Variants in TUSC3 observed in about 807,000 individuals in gnomAD.
TUSC3 encodes dolichyl-diphosphooligosaccharide--protein glycosyltransferase subunit TUSC3.
TUSC3 carries 45 observed loss-of-function variants against 44.8 expected under a neutral mutation model. That is an observed-to-expected ratio of 1.00 (90% confidence interval 0.79 to 1.29). The LOEUF is 1.29. Among genes scored for constraint, TUSC3 ranks in the 50% most tolerant of loss-of-function variants. The pLI, the probability that TUSC3 is intolerant of heterozygous loss-of-function variation, is 0.00. For synonymous variants in TUSC3, 212 were observed against 152.9 expected (o/e 1.39, Z -2.85); for missense variants, 519 against 437.9 (o/e 1.19, Z -1.65).
chr8:15,748,318 A>G (rs770545319), intron 8 of TUSC3, 57 bp from the exon 9 acceptor site: 16 of 1,267,514 alleles, frequency 1.3e-5, no homozygotes, highest in Non-Finnish European at 1.7e-5. Flanking sequence ...AATATAAACA[A>G]TTGGGGTTTC....
At chr8:15,697,815 C>T (rs761154638) in intron 6 of TUSC3, among the ~76,000 whole-genome samples, 11 of 152,202 alleles carry the variant, frequency 7.2e-5, no homozygotes, top group East Asian at 3.9e-4. Context: ...TTTTGATTTA[C>T]GTAGTAACTA....
At chr8:15,676,804 AT>A (rs1808211300) in intron 6 of TUSC3, among the ~76,000 whole-genome samples, 1 of 152,172 alleles carries the variant, frequency 6.6e-6, no homozygotes, top group Admixed American at 6.5e-5. Flanking sequence ...CTTAGATGTA[AT>A]TTTGACTTCC....
At chr8:15,744,598 A>G (rs1388479380) in intron 8 of TUSC3, among the ~76,000 whole-genome samples, 1 of 152,134 alleles carries the variant, frequency 6.6e-6, no homozygotes, top group Non-Finnish European at 1.5e-5. Context: ...GTGCTTTCTA[A>G]ATACTTAAAA....
At chr8:15,843,933 G>A in the TUSC3 span, among the ~76,000 whole-genome samples, 1 of 152,076 alleles carries the variant, frequency 6.6e-6, no homozygotes, top group Non-Finnish European at 1.5e-5. Flanking sequence ...TAGCATTTGT[G>A]TTTGGAAACT....
intron 2 of TUSC3, among the ~76,000 whole-genome samples, chr8:15,507,376 A>G (rs973966469): frequency 2.6e-5 from 4 of 152,034 alleles, no homozygotes; most frequent in South Asian, 2.1e-4. Context: ...ATCCCTTTAT[A>G]GTTCATGCCT....
chr8:15,746,672 G>C (rs558012068), intron 8 of TUSC3, among the ~76,000 whole-genome samples: 1 of 152,028 alleles, frequency 6.6e-6, no homozygotes, highest in South Asian at 2.1e-4. Flanking sequence ...ATTTCTGATA[G>C]AGCACAACCC....
chr8:15,444,931 G>A (rs1457708360), intron 1 of TUSC3, among the ~76,000 whole-genome samples: 1 of 152,140 alleles, frequency 6.6e-6, no homozygotes, highest in East Asian at 1.9e-4. Flanking sequence ...GCAGAGCGCT[G>A]GTGCTGTGCA....
intron 6 of TUSC3, among the ~76,000 whole-genome samples, chr8:15,688,723 TCTC>T (rs773731113): frequency 1.6e-3 from 242 of 152,226 alleles, no homozygotes; most frequent in Non-Finnish European, 2.6e-3. Flanking sequence ...ATTTCCTCCT[TCTC>T]CTCTCCTCTC....
chr8:15,717,175 G>C (rs1810090999), intron 6 of TUSC3, among the ~76,000 whole-genome samples: 1 of 152,040 alleles, frequency 6.6e-6, no homozygotes, highest in Admixed American at 6.6e-5. Context: ...TATTGGAATA[G>C]TTTAATAGCA....
chr8:15,517,522 C>CAAAAAAAAAAAAAAAAA (rs71211049), intron 2 of TUSC3, among the ~76,000 whole-genome samples: 3 of 77,554 alleles, frequency 3.9e-5, no homozygotes, highest in East Asian at 5.5e-4. Context: ...TAGCGTGAGG[C>CAAAAAAAAAAAAAAAAA]AAAAAAAAAA....
At chr8:15,586,893 C>T (rs1291959878) in intron 1 of TUSC3, among the ~76,000 whole-genome samples, 1 of 152,092 alleles carries the variant, frequency 6.6e-6, no homozygotes, top group South Asian at 2.1e-4. Flanking sequence ...AATTCTTGGG[C>T]CCCACTGACC....
the TUSC3 span, among the ~76,000 whole-genome samples, chr8:15,795,363 G>A: frequency 1.6e-3 from 247 of 152,234 alleles, 2 homozygotes; most frequent in African/African-American, 5.8e-3. Flanking sequence ...GTCTTCCAGG[G>A]CAAAGTTGGC....
At chr8:15,641,197 C>G (rs1052249295) in intron 2 of TUSC3, among the ~76,000 whole-genome samples, 2 of 151,140 alleles carry the variant, frequency 1.3e-5, no homozygotes, top group African/African-American at 4.9e-5. Flanking sequence ...CTGTCTCTAC[C>G]AGAAATAGAG....
intron 4 of TUSC3, among the ~76,000 whole-genome samples, chr8:15,661,463 T>TCAA (rs1202653582): frequency 6.6e-6 from 1 of 152,028 alleles, no homozygotes; most frequent in Admixed American, 6.6e-5. Context: ...TCATCTTTGT[T>TCAA]CATGATTGAC....
rs73665476 is a variant in TUSC3, at chr8:15,684,270, C to T, written c.798+10434C>T. Among the ~76,000 whole-genome samples, 1,393 of 152,182 alleles carry T rather than the reference C, an allele frequency of 9.2e-3. 21 individuals carry two copies. Among genetic ancestry groups the T allele is most frequent in the African/African-American group, 0.033 (1,349 of 41,500 alleles). On this transcript the variant is annotated intron_variant, in intron 6 of 10. Coordinates refer to ENST00000503731, the MANE Select transcript of TUSC3 (RefSeq NM_006765.4). Reference sequence around the variant, plus strand: ...CTCCCATAGAGCAGTCCAAGAGAGTCACAACTCCTTGGGAACCCACTGTTC... The same window carrying T: ...CTCCCATAGAGCAGTCCAAGAGAGTTACAACTCCTTGGGAACCCACTGTTC...
chr8:15,758,287 T>C, intron 10 of TUSC3: 1 of 969,146 alleles, frequency 1.0e-6, no homozygotes, highest in Non-Finnish European at 1.2e-6. Context: ...ACAGTTAACT[T>C]ACTGAAAACT....
intron 1 of TUSC3, among the ~76,000 whole-genome samples, chr8:15,618,498 T>G (rs1805095639): frequency 6.6e-6 from 1 of 152,186 alleles, no homozygotes; most frequent in African/African-American, 2.4e-5. Context: ...GGATTATCAA[T>G]ATCACTATCT....
chr8:15,813,151 T>C, the TUSC3 span, among the ~76,000 whole-genome samples: 8,745 of 152,094 alleles, frequency 0.057, 819 homozygotes, highest in African/African-American at 0.2. Context: ...CAGGACACAA[T>C]GCTTTTGTAT....
chr8:15,493,971 A>G lies in TUSC3; in HGVS notation n.189+10488A>G, dbSNP rs940963325. Among the ~76,000 whole-genome samples, 7 of 152,122 alleles carry G rather than the reference A, an allele frequency of 4.6e-5. 1 individual carries two copies. Among genetic ancestry groups the G allele is most frequent in the Non-Finnish European group, 8.8e-5 (6 of 68,006 alleles). On this transcript the variant is annotated intron_variant and non_coding_transcript_variant, in intron 2 of 5. Coordinates refer to the TUSC3 transcript ENST00000503191. ...TTCTGGACGTACAGTTTGCCCTTTG[A>G]TTTACAAGGCCAGCTGGTATTTACA...
Sources: allele counts gnomAD v4.1 joint callset (sites outside exome capture counted in the v4.1 genomes callset), GRCh38; gene constraint gnomAD v4.1.1; transcripts MANE v1.5; gene names NCBI Gene and HGNC (gene_info 2026-07-23, HGNC 2026-07-21).